EXOC2: variants seen among roughly 807,000 people sequenced by gnomAD.
The protein encoded by EXOC2 is exocyst complex component 2, also known as SEC5-like 1.
Under a neutral mutation model 131.8 loss-of-function variants are expected in EXOC2, and 70 were observed. The ratio of observed to expected loss-of-function variants is 0.53; its 90% CI spans 0.44 to 0.65. EXOC2 has a LOEUF of 0.65. Among genes scored for constraint, EXOC2 ranks in the 30% least tolerant of loss-of-function variants. The pLI is 0.00. For synonymous variants in EXOC2, 411 were observed against 398.4 expected, an observed-to-expected ratio of 1.03 and a Z score of -0.38; for missense variants, 923 against 1,108.6, an observed-to-expected ratio of 0.83 and a Z score of 2.38.
intron 1 of EXOC2, among the ~76,000 whole-genome samples, chr6:647,518 A>G (rs557696417): frequency 6.9e-5 from 10 of 145,646 alleles, no homozygotes; most frequent in Middle Eastern, 3.4e-3. Context: ...GTTGTCAAAC[A>G]GACCAGATTC....
At chr6:509,016 C>G (rs2127500467) in intron 23 of EXOC2, among the ~76,000 whole-genome samples, 1 of 152,298 alleles carries the variant, frequency 6.6e-6, no homozygotes. Flanking sequence ...TTTGCAATTC[C>G]CTAATGACAC....
chr6:550,395 C>T (rs1757081305), intron 21 of EXOC2, among the ~76,000 whole-genome samples: 1 of 152,172 alleles, frequency 6.6e-6, no homozygotes, highest in South Asian at 2.1e-4. Context: ...TTTCCAAAAA[C>T]TTTCTAGATT....
intron 11 of EXOC2, among the ~76,000 whole-genome samples, chr6:590,115 GAAA>G (rs34514915): frequency 3.5e-5 from 5 of 141,952 alleles, no homozygotes; most frequent in Non-Finnish European, 3.1e-5. Context: ...ACTCTGTCTG[GAAA>G]AAAAAAAAAA....
At chr6:623,601 C>T (rs1761403722) in intron 4 of EXOC2, among the ~76,000 whole-genome samples, 1 of 152,208 alleles carries the variant, frequency 6.6e-6, no homozygotes, top group African/African-American at 2.4e-5. Flanking sequence ...GAGCCTGTTT[C>T]TAGTGGACAC....
At chr6:544,620 A>C (rs1756735228) in intron 22 of EXOC2, among the ~76,000 whole-genome samples, 1 of 152,236 alleles carries the variant, frequency 6.6e-6, no homozygotes, top group Admixed American at 6.5e-5. Flanking sequence ...GTGAAGACAC[A>C]AAACTGTACT....
chr6:549,917 G>C (rs1311491602), intron 21 of EXOC2, among the ~76,000 whole-genome samples: 5 of 152,242 alleles, frequency 3.3e-5, no homozygotes, highest in Non-Finnish European at 7.3e-5. Flanking sequence ...GTTGCCAAGA[G>C]GAAGGGGTAC....
chr6:682,975 G>A (rs1057465572), intron 1 of EXOC2, among the ~76,000 whole-genome samples: 3 of 152,210 alleles, frequency 2.0e-5, no homozygotes, highest in Admixed American at 1.3e-4. Context: ...CCTGAAGTCT[G>A]ATTCCAGATC....
Position 564,666 on chromosome 6 carries a change from GC to G in EXOC2, c.1545del (p.Lys515AsnfsTer25). On this transcript the variant is annotated frameshift_variant, in exon 15 of 28. Coordinates refer to ENST00000230449, the MANE Select transcript of EXOC2 (RefSeq NM_018303.6). LOFTEE classifies it high-confidence loss of function. The stretch of plus-strand genomic sequence containing the variant: ...AGGGGAAGCAGGGCTCCGCGGGTAA[GC>G]TTCACCAGGGAGTGCATTACTTCCT... Reference protein sequence around the residue: ...MIQEVMHSLVKLTRGALLPLS... With the variant: ...MIQEVMHSLVXLTRGALLPLS... The G allele has an allele frequency of 6.2e-7, 1 of 1,608,822 alleles. No homozygotes were observed. Among genetic ancestry groups the G allele is most frequent in the Non-Finnish European group, 8.5e-7 (1 of 1,177,442 alleles).
intron 22 of EXOC2, among the ~76,000 whole-genome samples, chr6:540,083 G>A (rs1313711305): frequency 2.0e-5 from 3 of 152,170 alleles, no homozygotes; most frequent in Non-Finnish European, 4.4e-5. Flanking sequence ...TGTTAGCGAG[G>A]GCTTCCAAGC....
At chr6:618,514 A>T (rs935114257) in intron 5 of EXOC2, among the ~76,000 whole-genome samples, 3 of 152,244 alleles carry the variant, frequency 2.0e-5, no homozygotes, top group African/African-American at 7.2e-5. Flanking sequence ...ACAGAGCTCA[A>T]TTCTGACTTA....
intron 1 of EXOC2, among the ~76,000 whole-genome samples, chr6:653,107 T>C (rs1762907052): frequency 6.6e-6 from 1 of 152,226 alleles, no homozygotes; most frequent in Non-Finnish European, 1.5e-5. Flanking sequence ...TGTGTGTGAC[T>C]GTTCCACCAA....
chr6:567,843 G>C (rs1410091631), intron 13 of EXOC2, among the ~76,000 whole-genome samples: 1 of 152,176 alleles, frequency 6.6e-6, no homozygotes, highest in African/African-American at 2.4e-5. Context: ...AAACGCTCTG[G>C]GTCCCGACAT....
chr6:553,597 C>T (rs573281313), intron 21 of EXOC2, among the ~76,000 whole-genome samples: 1 of 152,254 alleles, frequency 6.6e-6, no homozygotes, highest in Non-Finnish European at 1.5e-5. Flanking sequence ...TAAGGGCACC[C>T]ATTTAACACT....
intron 11 of EXOC2, among the ~76,000 whole-genome samples, chr6:584,459 G>GT (rs1453435036): frequency 3.3e-5 from 5 of 152,212 alleles, no homozygotes; most frequent in Non-Finnish European, 5.9e-5. Context: ...TGGACTTTGT[G>GT]TATCTTAAGG....
chr6:639,304 T>C (rs1762247091), intron 1 of EXOC2, among the ~76,000 whole-genome samples: 1 of 149,940 alleles, frequency 6.7e-6, no homozygotes, highest in Admixed American at 6.6e-5. Context: ...TGCAAGCCCC[T>C]CCTGCCCTTG....
At chr6:619,327 G>A (rs1761166480) in intron 5 of EXOC2, 103 bp downstream of exon 5, 2 of 859,090 alleles carry the variant, frequency 2.3e-6, no homozygotes, top group Non-Finnish European at 3.8e-6. Flanking sequence ...CTAAAACCAT[G>A]TAACTGTATG....
chr6:632,538 T>A (rs141413654), intron 3 of EXOC2, among the ~76,000 whole-genome samples: 1 of 152,220 alleles, frequency 6.6e-6, no homozygotes, highest in African/African-American at 2.4e-5. Flanking sequence ...ATGGATAAAA[T>A]GAAGGAAAAG....
At chr6:604,523 C>T (rs181936515) in intron 7 of EXOC2, among the ~76,000 whole-genome samples, 42 of 152,298 alleles carry the variant, frequency 2.8e-4, no homozygotes, top group Non-Finnish European at 4.0e-4. Context: ...AATCTCCTAT[C>T]GTTCTGTTAA....
rs56189394 is a variant in EXOC2 at position 673,252 on chromosome 6, CAAAAAAAAAAAAAAAAAAAAAAAA to C, written c.-44+19743_-44+19766del. 1.1e-3 allele frequency among the ~76,000 whole-genome samples: 73 copies of C among 64,266 alleles called. 1 individual carries two copies. The highest frequency in any genetic ancestry group is 9.3e-3 in the East Asian group (25 of 2,688). The allele number at this position is 64,266 out of a possible 152,430, so 42.2% of individuals were successfully genotyped here. A position where few individuals can be genotyped will look rare whatever the true frequency, so the allele number is the denominator to read the frequency against. On this transcript the variant is annotated intron_variant, in intron 1 of 27. Transcript: ENST00000230449. Reference sequence around the variant, plus strand: ...GGTGACAAAAGTGAGACTCCATAGCCAAAAAAAAAAAAAAAAAAAAAAAAAAAAAAAAAAAAAAATTCACATTTA... The same window carrying C: ...GGTGACAAAAGTGAGACTCCATAGCCAAAAAAAAAAAAAAATTCACATTTA...
Sources: gnomAD v4.1 joint callset for allele counts (sites outside exome capture counted in the v4.1 genomes callset) on GRCh38, gnomAD v4.1.1 for gene constraint, MANE v1.5 for transcripts, NCBI Gene and HGNC (gene_info 2026-07-23, HGNC 2026-07-21) for gene names.